The following CDK5RAP3 variants were observed in gnomAD, a reference collection of about 807,000 sequenced individuals.
CDK5RAP3 encodes the protein CDK5 regulatory subunit associated protein 3.
Under a neutral mutation model 73.3 loss-of-function variants are expected in CDK5RAP3, and 58 were observed. The ratio of observed to expected loss-of-function variants is 0.79; its 90% CI spans 0.64 to 0.98. CDK5RAP3 has a LOEUF of 0.98. Ranked by LOEUF, CDK5RAP3 falls within the 50% of genes least tolerant of loss-of-function variation. The pLI is 0.00. For missense variants in CDK5RAP3, 525 were observed against 615.8 expected (o/e 0.85, Z 1.56); for synonymous variants, 224 against 247.5 (o/e 0.91, Z 0.89).
chr17:47,971,439 T>C (rs1399092128), intron 2 of CDK5RAP3, 32 bp downstream of exon 2: 1 of 1,572,876 alleles, frequency 6.4e-7, no homozygotes, highest in Non-Finnish European at 8.6e-7. Flanking sequence ...CAGCTGGCTG[T>C]CGGGGGGAGG....
chr17:47,972,411 A>G (rs868251709), intron 2 of CDK5RAP3, among the ~76,000 whole-genome samples: 31 of 152,210 alleles, frequency 2.0e-4, no homozygotes, highest in Admixed American at 3.3e-4. Flanking sequence ...TTTCTTTCTG[A>G]AAACTTTACA....
In CDK5RAP3 at chr17:47,971,414, G is replaced by T; in HGVS notation, c.52+7G>T. On this transcript the variant is annotated splice_region_variant and intron_variant, in intron 2 of 13. Transcript: ENST00000338399. Reference sequence around the variant, plus strand: ...CAGACCAGCAAGCTGCTCGGTAGGAGGGGGCGCCACCGCGCAGCTGGCTGT... The same window carrying T: ...CAGACCAGCAAGCTGCTCGGTAGGATGGGGCGCCACCGCGCAGCTGGCTGT... 6.2e-7 allele frequency: 1 copy of T among 1,600,304 alleles called. No individual in the cohort carries two copies. The highest frequency in any genetic ancestry group is 1.3e-5 in the African/African-American group (1 of 74,790).
intron 12 of CDK5RAP3, 113 bp from the exon 13 acceptor site, chr17:47,981,050 G>T: frequency 8.5e-7 from 1 of 1,182,384 alleles, no homozygotes; most frequent in Non-Finnish European, 1.2e-6. Context: ...AGGATGTGAG[G>T]GTAAGCGGCC....
At chr17:47,969,144 A>G (rs1003114694), upstream of CDK5RAP3, among the ~76,000 whole-genome samples, 1 of 152,214 alleles carries the variant, frequency 6.6e-6, no homozygotes, top group Non-Finnish European at 1.5e-5. Context: ...CCAAGACCTC[A>G]CTGGGCAGAA....
At chr17:47,971,749 C>CT (rs2036274036) in intron 2 of CDK5RAP3, among the ~76,000 whole-genome samples, 1 of 152,034 alleles carries the variant, frequency 6.6e-6, no homozygotes, top group African/African-American at 2.4e-5. Context: ...GTGGGCGAAT[C>CT]ACCTGAGGTC....
Position 47,971,142 on chromosome 17 carries a change from G to A in CDK5RAP3, c.-5G>A, listed in dbSNP as rs2144207525. ...TCTCCAGCCTGAAGCGGAAGTGGAGGAAAGATGGAGGTGTGGGGACAGGAG... is the reference window on the plus strand; with the variant it reads ...TCTCCAGCCTGAAGCGGAAGTGGAGAAAAGATGGAGGTGTGGGGACAGGAG... On this transcript the variant is annotated 5_prime_UTR_variant, in exon 1 of 14. Coordinates refer to ENST00000338399, the MANE Select transcript of CDK5RAP3 (RefSeq NM_176096.3). The A allele has an allele frequency of 1.3e-6, 2 of 1,550,580 alleles. No individual in the cohort carries two copies. The highest frequency in any genetic ancestry group is 1.7e-6 in the Non-Finnish European group (2 of 1,146,394).
At position 47,975,164 on chromosome 17, in the gene CDK5RAP3, C is replaced by G; in HGVS notation, c.340C>G (p.Leu114Val). The change falls in exon 6 of 14, where the codon CTC (leucine) becomes GTC (valine). Residue 114 changes from leucine to valine, a missense_variant. This residue lies in a region of CDK5RAP3 where 409 missense variants were observed against 429.8 expected (regional missense o/e 0.95). Coordinates refer to ENST00000338399, the MANE Select transcript of CDK5RAP3 (RefSeq NM_176096.3). ...ATTTCCTGGGCACTTCTCAGTGGAA[C>G]TCTCTAGCCTCCTGGTTCGGAATGT... ...YEKDNTYLVELSSLLVRNVNY... is the reference protein window; with the variant it reads ...YEKDNTYLVEVSSLLVRNVNY... 1 of 1,614,142 alleles carries G rather than the reference C, an allele frequency of 6.2e-7. No homozygotes were observed. Among genetic ancestry groups the G allele is most frequent in the Non-Finnish European group, 8.5e-7 (1 of 1,180,014 alleles).
upstream of CDK5RAP3, chr17:47,970,445 G>GTA: frequency 9.2e-6 from 5 of 541,544 alleles, no homozygotes; most frequent in Non-Finnish European, 1.7e-5. Context: ...TGCAGTTTGT[G>GTA]GCCACCTAAG....
At chr17:47,971,049 C>A, upstream of CDK5RAP3, 1 of 1,546,026 alleles carries the variant, frequency 6.5e-7, no homozygotes, top group South Asian at 1.2e-5. Flanking sequence ...GAAGGATGCC[C>A]GTTTGTGTCT....
upstream of CDK5RAP3, chr17:47,970,876 C>A (rs2036242443): frequency 5.0e-6 from 7 of 1,412,948 alleles, no homozygotes; most frequent in African/African-American, 5.7e-5. Context: ...TGCAGCGCAC[C>A]CCCTCCCGTC....
At chr17:47,976,556 A>G in intron 8 of CDK5RAP3, 156 bp from the exon 9 acceptor site, 1 of 554,968 alleles carries the variant, frequency 1.8e-6, no homozygotes, top group Non-Finnish European at 3.3e-6. Context: ...TAGGGACAGG[A>G]TTTTGCCATA....
intron 10 of CDK5RAP3, chr17:47,978,575 C>T (rs2036477734): frequency 4.1e-6 from 2 of 486,680 alleles, no homozygotes; most frequent in South Asian, 2.7e-5. Context: ...TGCGGTCCAC[C>T]AGAGCAGAGA....
At chr17:47,974,267 T>A (rs575104244) in intron 4 of CDK5RAP3, 133 bp from the exon 5 acceptor site, 1 of 879,858 alleles carries the variant, frequency 1.1e-6, no homozygotes, top group South Asian at 1.5e-5. Context: ...GCCAGCAGAG[T>A]TGAAAGAAGG....
At chr17:47,970,531 C>T, upstream of CDK5RAP3, 1 of 773,004 alleles carries the variant, frequency 1.3e-6, no homozygotes, top group Non-Finnish European at 2.2e-6. Context: ...TTCGTTTAGA[C>T]TCAATGTAGG....
upstream of CDK5RAP3, chr17:47,971,036 G>A (rs1003442459): frequency 1.8e-5 from 28 of 1,532,572 alleles, no homozygotes; most frequent in East Asian, 2.4e-5. Context: ...CGGCGACGTG[G>A]CCGAAGGATG....
chr17:47,978,568 G>A lies in CDK5RAP3; in HGVS notation c.989-261G>A, dbSNP rs949096412. On this transcript the variant is annotated intron_variant, in intron 10 of 13. Transcript: ENST00000338399. ...TGCAGGATGAAACTTTACCTCCTGC[G>A]GTCCACCAGAGCAGAGAGCCGGCCT... 13 of 464,426 alleles carry A rather than the reference G, an allele frequency of 2.8e-5. No individual in the cohort carries two copies. In the Admixed American group the frequency reaches 2.8e-4, roughly 10 times the overall value. The allele number at this position is 464,426 out of a possible 1,614,324, so 28.8% of individuals were successfully genotyped here. A position where few individuals can be genotyped will look rare whatever the true frequency, so the allele number is the denominator to read the frequency against.
intron 3 of CDK5RAP3, 69 bp from the exon 4 acceptor site, chr17:47,973,862 C>A: frequency 1.5e-6 from 2 of 1,296,952 alleles, no homozygotes; most frequent in South Asian, 2.4e-5. Context: ...CATGAATCAG[C>A]CACCTGCAGT....
chr17:47,972,248 TAGTC>T (rs1347338010), intron 2 of CDK5RAP3, among the ~76,000 whole-genome samples: 2 of 152,192 alleles, frequency 1.3e-5, no homozygotes, highest in East Asian at 1.9e-4. Context: ...CCCCAGTTCA[TAGTC>T]AGGGAAGGCC....
At chr17:47,974,309 G>T (rs906540742) in intron 4 of CDK5RAP3, 91 bp from the exon 5 acceptor site, 2 of 1,126,462 alleles carry the variant, frequency 1.8e-6, no homozygotes, top group Non-Finnish European at 2.7e-6. Context: ...TGATGTAAAG[G>T]CTGGGAGAAC....
Sources: gnomAD v4.1 joint callset for allele counts (sites outside exome capture counted in the v4.1 genomes callset) on GRCh38, gnomAD v4.1.1 for gene constraint, gnomAD v4.1.1 regional missense constraint, MANE v1.5 for transcripts, NCBI Gene and HGNC (gene_info 2026-07-23, HGNC 2026-07-21) for gene names.